ABCC1: variants seen among roughly 807,000 people sequenced by gnomAD.
ABCC1 encodes ATP binding cassette subfamily C member 1 (ABCC1 blood group).
A neutral mutation model predicts 172.9 loss-of-function variants in ABCC1; 83 were observed. That is an observed-to-expected ratio of 0.48 (90% CI 0.40 to 0.58). ABCC1 has a LOEUF of 0.58. Ranked by LOEUF, ABCC1 falls within the 20% of genes least tolerant of loss-of-function variation. The pLI is 0.00. For synonymous variants in ABCC1, 937 were observed against 825.2 expected, an observed-to-expected ratio of 1.14 and a Z score of -2.32; for missense variants, 1,817 against 2,002.7, an observed-to-expected ratio of 0.91 and a Z score of 1.77.
At chr16:16,072,654 G>A (rs34712007) in intron 14 of ABCC1, among the ~76,000 whole-genome samples, 17,606 of 151,916 alleles carry the variant, frequency 0.12, 1,134 homozygotes, top group Middle Eastern at 0.22. Flanking sequence ...TTTATTGGCA[G>A]GTTTGTTTGT....
intron 16 of ABCC1, 55 bp downstream of exon 16, chr16:16,079,533 A>G: frequency 6.4e-7 from 1 of 1,569,250 alleles, no homozygotes; most frequent in Non-Finnish European, 8.7e-7. Context: ...TCTGAGGAAA[A>G]GCTCAGAAAT....
chr16:15,988,068 G>A (rs938525003), intron 1 of ABCC1, among the ~76,000 whole-genome samples: 1 of 152,036 alleles, frequency 6.6e-6, no homozygotes, highest in Non-Finnish European at 1.5e-5. Flanking sequence ...AGGGATTCTC[G>A]TGCCTCAGCC....
At chr16:15,988,531 A>G (rs778790626) in intron 1 of ABCC1, among the ~76,000 whole-genome samples, 1 of 152,204 alleles carries the variant, frequency 6.6e-6, no homozygotes, top group African/African-American at 2.4e-5. Flanking sequence ...TTGGTGAAAC[A>G]TGAGAGTCTG....
chr16:15,995,516 G>GT (rs10716039), intron 1 of ABCC1, among the ~76,000 whole-genome samples: 100,959 of 151,626 alleles, frequency 0.67, 34,817 homozygotes, highest in South Asian at 0.8. Flanking sequence ...ACATAGAGTT[G>GT]TTTTTTTTAG....
chr16:16,045,787 C>T (rs1312795657), intron 8 of ABCC1, 49 bp from the exon 9 acceptor site: 2 of 1,582,076 alleles, frequency 1.3e-6, no homozygotes, highest in East Asian at 2.2e-5. Flanking sequence ...CTCTTCCCTG[C>T]CCCCACGTGT....
chr16:16,050,427 C>T (rs1343360208), intron 10 of ABCC1, among the ~76,000 whole-genome samples: 2 of 151,624 alleles, frequency 1.3e-5, no homozygotes, highest in South Asian at 2.1e-4. Context: ...CCACTGCATA[C>T]CAGCTTGGGC....
At chr16:16,048,086 A>T in intron 9 of ABCC1, 56 bp from the exon 10 acceptor site, 1 of 1,590,982 alleles carries the variant, frequency 6.3e-7, no homozygotes, top group Non-Finnish European at 8.6e-7. Flanking sequence ...CTGGAGGGAG[A>T]GTCAGGCCTC....
intron 22 of ABCC1, among the ~76,000 whole-genome samples, chr16:16,113,772 C>T (rs190162112): frequency 6.6e-6 from 1 of 152,318 alleles, no homozygotes; most frequent in East Asian, 1.9e-4. Context: ...CGATCCCTAG[C>T]CTTTTTGGCA....
At chr16:15,983,851 T>C (rs2046685740) in intron 1 of ABCC1, among the ~76,000 whole-genome samples, 1 of 152,032 alleles carries the variant, frequency 6.6e-6, no homozygotes, top group African/African-American at 2.4e-5. Context: ...CCACCGCGCC[T>C]GGCCTTTAGT....
At chr16:15,995,380 T>A (rs1323487864) in intron 1 of ABCC1, among the ~76,000 whole-genome samples, 1 of 152,176 alleles carries the variant, frequency 6.6e-6, no homozygotes, top group Admixed American at 6.6e-5. Flanking sequence ...TTTTCGCCCT[T>A]TGCTGAAATG....
intron 1 of ABCC1, among the ~76,000 whole-genome samples, chr16:15,958,266 C>T (rs886193390): frequency 4.6e-5 from 7 of 152,042 alleles, no homozygotes; most frequent in Non-Finnish European, 8.8e-5. Flanking sequence ...CCACCACACT[C>T]GGCTTATTTT....
At chr16:16,113,063 C>T (rs915218783) in intron 22 of ABCC1, among the ~76,000 whole-genome samples, 1 of 152,156 alleles carries the variant, frequency 6.6e-6, no homozygotes, top group Non-Finnish European at 1.5e-5. Context: ...ACACACAGTG[C>T]GCTCCTGTGG....
At chr16:16,074,682 C>G (rs1004308249) in intron 14 of ABCC1, among the ~76,000 whole-genome samples, 3 of 152,212 alleles carry the variant, frequency 2.0e-5, no homozygotes, top group African/African-American at 7.2e-5. Context: ...TCTGCAACCT[C>G]TCTGTCTCCA....
At chr16:16,048,024 G>A in intron 9 of ABCC1, 118 bp from the exon 10 acceptor site, 1 of 1,296,414 alleles carries the variant, frequency 7.7e-7, no homozygotes, top group Non-Finnish European at 1.1e-6. Flanking sequence ...GAGGGGAGGA[G>A]GAGAGATCTG....
intron 13 of ABCC1, 47 bp downstream of exon 13, chr16:16,068,349 C>T (rs2050194614): frequency 6.2e-7 from 1 of 1,606,364 alleles, no homozygotes; most frequent in Admixed American, 1.7e-5. Flanking sequence ...CCTTGGGGTT[C>T]TAGGCCACGA....
intron 12 of ABCC1, among the ~76,000 whole-genome samples, chr16:16,062,164 T>A (rs1390741551): frequency 6.6e-6 from 1 of 152,170 alleles, no homozygotes; most frequent in Non-Finnish European, 1.5e-5. Flanking sequence ...TGTGTCCCGC[T>A]TAGGAGGGGA....
At chr16:16,128,318 T>C (rs2045528782) in intron 26 of ABCC1, among the ~76,000 whole-genome samples, 2 of 151,612 alleles carry the variant, frequency 1.3e-5, no homozygotes, top group African/African-American at 2.4e-5. Flanking sequence ...TTACAGGCGA[T>C]TTTTGTATTT....
intron 5 of ABCC1, among the ~76,000 whole-genome samples, chr16:16,031,068 C>T (rs182529595): frequency 1.3e-5 from 2 of 152,038 alleles, no homozygotes; most frequent in South Asian, 2.1e-4. Flanking sequence ...AGGCTGGTCT[C>T]GAACTCCTGA....
chr16:16,122,711 T>TAAAA (rs34383577), intron 24 of ABCC1, among the ~76,000 whole-genome samples: 6 of 116,246 alleles, frequency 5.2e-5, no homozygotes, highest in African/African-American at 1.4e-4. Flanking sequence ...CCATCTCTCT[T>TAAAA]AAAAAAAAAA....
Sources: gnomAD v4.1 joint callset for allele counts (sites outside exome capture counted in the v4.1 genomes callset) on GRCh38, gnomAD v4.1.1 for gene constraint, MANE v1.5 for transcripts, NCBI Gene and HGNC (gene_info 2026-07-23, HGNC 2026-07-21) for gene names.